The following SLC41A2 variants were observed in gnomAD, a reference collection of about 807,000 sequenced individuals.
SLC41A2 encodes solute carrier family 41 member 2.
In SLC41A2, 32 loss-of-function variants were observed where a neutral mutation model predicts 58.3. The observed-to-expected ratio is 0.55, with a 90% CI of 0.41 to 0.74. SLC41A2 has a LOEUF of 0.74. SLC41A2 is among the 30% of genes least tolerant of loss of function. The pLI is 0.00. For missense variants in SLC41A2, 514 were observed against 680.6 expected (o/e 0.76, Z 2.72); for synonymous variants, 190 against 235.0 (o/e 0.81, Z 1.75).
chr12:104,827,253 A>G (rs1462008510), intron 10 of SLC41A2, among the ~76,000 whole-genome samples: 4 of 152,224 alleles, frequency 2.6e-5, no homozygotes, highest in Non-Finnish European at 5.9e-5. Context: ...GGAGGAAGCT[A>G]TAAAAACAGG....
chr12:104,881,686 G>C (rs1023192769), intron 6 of SLC41A2, among the ~76,000 whole-genome samples: 3 of 152,190 alleles, frequency 2.0e-5, no homozygotes, highest in Non-Finnish European at 2.9e-5. Context: ...GAGATAGTTT[G>C]TTATGATTTC....
chr12:104,945,600 T>G (rs975075979), intron 1 of SLC41A2, among the ~76,000 whole-genome samples: 1 of 152,202 alleles, frequency 6.6e-6, no homozygotes, highest in Non-Finnish European at 1.5e-5. Flanking sequence ...ATATATAAAT[T>G]TACTATATTT....
intron 1 of SLC41A2, among the ~76,000 whole-genome samples, chr12:104,930,425 T>C (rs2047008451): frequency 6.6e-6 from 1 of 152,214 alleles, no homozygotes; most frequent in Admixed American, 6.5e-5. Flanking sequence ...TCCCTTCAGC[T>C]TCACATGAGT....
At chr12:104,931,578 T>A (rs2047054094) in intron 1 of SLC41A2, 1 of 152,234 alleles carries the variant, frequency 6.6e-6, no homozygotes, top group South Asian at 2.1e-4. Flanking sequence ...AGAGATAATT[T>A]GTGATAAAGG....
chr12:104,885,624 A>G (rs2044618558), intron 6 of SLC41A2, among the ~76,000 whole-genome samples: 1 of 152,266 alleles, frequency 6.6e-6, no homozygotes, highest in East Asian at 1.9e-4. Context: ...AACTTTTAGC[A>G]TGTCATCAAC....
At chr12:104,850,098 A>G (rs2042744613) in intron 8 of SLC41A2, among the ~76,000 whole-genome samples, 3 of 152,164 alleles carry the variant, frequency 2.0e-5, no homozygotes, top group Admixed American at 2.0e-4. Context: ...CCAGGTGCTA[A>G]AAGTTGAAAG....
intron 1 of SLC41A2, among the ~76,000 whole-genome samples, chr12:104,945,196 A>T (rs7133934): frequency 1.3e-5 from 2 of 151,260 alleles, no homozygotes; most frequent in South Asian, 2.1e-4. Context: ...AAAAATAAAA[A>T]GTAAGAAAAG....
At position 104,909,758 on chromosome 12, in the gene SLC41A2, C is replaced by T. The variant is rs1228213426; in HGVS notation, c.560G>A (p.Trp187Ter). 6.3e-7 allele frequency: 1 copy of T among 1,576,988 alleles called. No homozygotes were observed. The highest frequency in any genetic ancestry group is 1.4e-5 in the African/African-American group (1 of 72,542). The change falls in exon 3 of 11, where the codon TGG (tryptophan) becomes TAG (stop). Residue 187 changes from tryptophan to a stop codon, truncating the protein, a stop_gained. Transcript: ENST00000258538. LOFTEE classifies it high-confidence loss of function. Reference sequence around the variant, plus strand: ...TTCTGTAACTTTTCTGAACACCTCCCAGTGCTGTAAGAAAAAAAATAAAAT... The same window carrying T: ...TTCTGTAACTTTTCTGAACACCTCCTAGTGCTGTAAGAAAAAAAATAAAAT... The part of the protein sequence containing the change: ...AGMVLDIVQH[W>*]EVFRKVTEVF...
Position 104,889,031 on chromosome 12 carries a change from A to G in SLC41A2, c.880+2T>C, listed in dbSNP as rs1242150116. The G allele has an allele frequency of 6.4e-7, 1 of 1,568,158 alleles. No individual in the cohort carries two copies. Among genetic ancestry groups the G allele is most frequent in the Non-Finnish European group, 8.6e-7 (1 of 1,167,320 alleles). ...AGAGTAGACATTTATAAATTCACTT[A>G]CCCTGCAGAAGAGATGCAATGAAGG... On this transcript the variant is annotated splice_donor_variant, in intron 5 of 10. Transcript: ENST00000258538. LOFTEE classifies it high-confidence loss of function.
chr12:104,882,841 A>G (rs1462569192), intron 6 of SLC41A2, among the ~76,000 whole-genome samples: 11 of 152,182 alleles, frequency 7.2e-5, no homozygotes, highest in African/African-American at 2.6e-4. Context: ...CGTTCTCTGT[A>G]TTTCCTGAAT....
At chr12:104,926,827 C>T (rs2264892) in intron 2 of SLC41A2, among the ~76,000 whole-genome samples, 107,848 of 152,052 alleles carry the variant, frequency 0.71, 38,873 homozygotes, top group African/African-American at 0.84. Context: ...TACACACCTG[C>T]AATCCCTAGC....
intron 10 of SLC41A2, among the ~76,000 whole-genome samples, chr12:104,825,318 G>C (rs2041800994): frequency 6.6e-6 from 1 of 152,198 alleles, no homozygotes; most frequent in Non-Finnish European, 1.5e-5. Flanking sequence ...CAGTCACAAG[G>C]GGGGCAGGAG....
At chr12:104,867,219 T>C (rs79065075) in intron 6 of SLC41A2, among the ~76,000 whole-genome samples, 8,080 of 152,178 alleles carry the variant, frequency 0.053, 296 homozygotes, top group East Asian at 0.1. Context: ...TCTCAATTCA[T>C]ATTTAATTCT....
At chr12:104,941,920 G>A (rs1427476563) in intron 1 of SLC41A2, among the ~76,000 whole-genome samples, 1 of 152,082 alleles carries the variant, frequency 6.6e-6, no homozygotes. Flanking sequence ...ATTTAATTTG[G>A]AATTATGATT....
intron 10 of SLC41A2, among the ~76,000 whole-genome samples, chr12:104,829,039 CT>C (rs1184304060): frequency 6.6e-6 from 1 of 152,170 alleles, no homozygotes; most frequent in Non-Finnish European, 1.5e-5. Flanking sequence ...AACTAGAACT[CT>C]CATAGTAGTG....
At chr12:104,825,380 G>T (rs552209882) in intron 10 of SLC41A2, among the ~76,000 whole-genome samples, 1 of 152,168 alleles carries the variant, frequency 6.6e-6, no homozygotes, top group Non-Finnish European at 1.5e-5. Flanking sequence ...GGCGCTTCTC[G>T]CCTGCTGTGT....
intron 6 of SLC41A2, among the ~76,000 whole-genome samples, chr12:104,884,516 A>T (rs1026798837): frequency 6.6e-6 from 1 of 152,172 alleles, no homozygotes; most frequent in African/African-American, 2.4e-5. Flanking sequence ...AACCTGTCCC[A>T]GAACCACTAC....
In SLC41A2 at chr12:104,805,338, C is replaced by A; in HGVS notation, c.1537-1G>T. The A allele has an allele frequency of 6.2e-7, 1 of 1,611,796 alleles. No individual in the cohort carries two copies. Among genetic ancestry groups the A allele is most frequent in the East Asian group, 2.2e-5 (1 of 44,846 alleles). ...CAGCAATCCACAGCAAGGTAAATACCTAGAAGAGAACAACAGAGATTACTC... is the reference window on the plus strand; with the variant it reads ...CAGCAATCCACAGCAAGGTAAATACATAGAAGAGAACAACAGAGATTACTC... On this transcript the variant is annotated splice_acceptor_variant, in intron 10 of 10. Transcript: ENST00000258538. LOFTEE classifies it high-confidence loss of function.
intron 1 of SLC41A2, among the ~76,000 whole-genome samples, chr12:104,952,201 T>G (rs982153757): frequency 2.0e-5 from 3 of 152,178 alleles, no homozygotes; most frequent in Non-Finnish European, 2.9e-5. Context: ...CTGCATAATG[T>G]TCCTAATATT....
Sources: allele counts gnomAD v4.1 joint callset (sites outside exome capture counted in the v4.1 genomes callset), GRCh38; gene constraint gnomAD v4.1.1; transcripts MANE v1.5; gene names NCBI Gene and HGNC (gene_info 2026-07-23, HGNC 2026-07-21).